The following XRCC5 variants were observed in gnomAD, a reference collection of about 807,000 sequenced individuals.
The protein encoded by XRCC5 is DNA repair protein Ku80.
XRCC5 carries 12 observed loss-of-function variants against 95.7 expected under a neutral mutation model. The observed-to-expected ratio is 0.13, with a 90% CI of 0.08 to 0.20. The LOEUF is 0.20. Ranked by LOEUF, XRCC5 falls within the 10% of genes least tolerant of loss-of-function variation. The probability of loss-of-function intolerance (pLI) is 1.00; values close to 1 mark genes in which losing one functional copy is unlikely to be tolerated. For missense variants in XRCC5, 595 were observed against 873.9 expected (o/e 0.68, Z 4.02); for synonymous variants, 281 against 290.3 (o/e 0.97, Z 0.33).
At chr2:216,147,306 G>A (rs1442270598) in intron 13 of XRCC5, among the ~76,000 whole-genome samples, 1 of 152,136 alleles carries the variant, frequency 6.6e-6, no homozygotes, top group Non-Finnish European at 1.5e-5. Flanking sequence ...CAGCCTATTG[G>A]GGTTGTGAGT....
chr2:216,195,371 TTTTCTTTTCTTTTCTTTTCTC>T (rs2106050346), intron 19 of XRCC5, among the ~76,000 whole-genome samples: 1 of 114,604 alleles, frequency 8.7e-6, no homozygotes, highest in African/African-American at 3.4e-5. Context: ...TTTTCTTTTC[TTTTCTTTTCTTTTCTTTTCTC>T]TTTCTTTTCT....
At chr2:216,168,796 C>G (rs1689098906) in intron 16 of XRCC5, among the ~76,000 whole-genome samples, 1 of 152,178 alleles carries the variant, frequency 6.6e-6, no homozygotes, top group African/African-American at 2.4e-5. Flanking sequence ...CAAGTGGACC[C>G]TAGATCGCAT....
intron 14 of XRCC5, among the ~76,000 whole-genome samples, chr2:216,149,119 CT>C (rs1409506936): frequency 6.6e-6 from 1 of 152,088 alleles, no homozygotes; most frequent in African/African-American, 2.4e-5. Context: ...CCACAACTAT[CT>C]TTATTGACAA....
intron 15 of XRCC5, among the ~76,000 whole-genome samples, chr2:216,160,926 T>C (rs1373884378): frequency 3.9e-5 from 6 of 152,060 alleles, no homozygotes; most frequent in Non-Finnish European, 7.4e-5. Context: ...ACTCCTGGGC[T>C]CAAGCAATCC....
chr2:216,162,932 C>T lies in XRCC5; in HGVS notation c.1834+884C>T, dbSNP rs1463267435. Among the ~76,000 whole-genome samples the T allele has an allele frequency of 2.0e-5, 3 of 152,184 alleles. No individual in the cohort carries two copies. In the East Asian group the frequency reaches 5.8e-4, roughly 29 times the overall value. On this transcript the variant is annotated intron_variant, in intron 16 of 20. Transcript: ENST00000392132. The stretch of plus-strand genomic sequence containing the variant: ...GAACTAACATTCATTCACTTGATTG[C>T]ATTCAGGTTTCTGTTCATTTACCCT...
At chr2:216,127,783 A>G in intron 8 of XRCC5, 109 bp downstream of exon 8, 5 of 1,257,032 alleles carry the variant, frequency 4.0e-6, no homozygotes, top group Non-Finnish European at 5.4e-6. Flanking sequence ...TCTTTGAGTT[A>G]TAGAAATATA....
intron 14 of XRCC5, 30 bp from the exon 15 acceptor site, chr2:216,160,038 T>C (rs1043287911): frequency 1.4e-6 from 2 of 1,417,408 alleles, no homozygotes; most frequent in African/African-American, 2.9e-5. Context: ...TATTGTTTGT[T>C]CTAAGAGAAA....
At chr2:216,205,099 A>C in intron 20 of XRCC5, 89 bp from the exon 21 acceptor site, 1 of 1,499,286 alleles carries the variant, frequency 6.7e-7, no homozygotes. Context: ...TCCAATGTAG[A>C]GTCATTTTCA....
intron 6 of XRCC5, 101 bp from the exon 7 acceptor site, chr2:216,125,816 T>C: frequency 1.1e-6 from 1 of 908,800 alleles, no homozygotes. Context: ...TCTTTATAAT[T>C]AACATTAGCT....
intron 19 of XRCC5, among the ~76,000 whole-genome samples, chr2:216,203,077 C>T (rs1190586757): frequency 6.6e-6 from 1 of 152,174 alleles, no homozygotes; most frequent in East Asian, 1.9e-4. Context: ...AGAATGGCAG[C>T]TCTTACCATT....
rs1488530227 is a variant in XRCC5, at chr2:216,125,990, A to G, written c.757A>G (p.Ile253Val). The change falls in exon 7 of 21, where the codon ATT (isoleucine) becomes GTT (valine). Residue 253 changes from isoleucine to valine, a missense_variant. Around this residue, in one of 2 missense-constraint regions of XRCC5, gnomAD observed 286 missense variants for 491.1 expected, o/e 0.58. Transcript: ENST00000392132. ...HSIHWPCRLTIGSNLSIRIAA... is the reference protein window; with the variant it reads ...HSIHWPCRLTVGSNLSIRIAA... ...CATTCACTGGCCCTGCCGACTGACC[A>G]TTGGCTCCAATTTGTCTATAAGGAT... 6.2e-6 allele frequency: 10 copies of G among 1,613,860 alleles called. No homozygotes were observed. The African/African-American group carries it at 8.0e-5, about 13-fold the overall frequency.
Position 216,111,333 on chromosome 2 carries a change from G to A in XRCC5, c.22-1683G>A. ...GCCAAGGAGTTTGAGACCAGCCTGGGCAACACAGTGAGACCCCAACTCTAC... is the reference window on the plus strand; with the variant it reads ...GCCAAGGAGTTTGAGACCAGCCTGGACAACACAGTGAGACCCCAACTCTAC... On this transcript the variant is annotated intron_variant, in intron 1 of 20. Coordinates refer to ENST00000392132, the MANE Select transcript of XRCC5 (RefSeq NM_021141.4). 5 of 434,872 alleles carry A rather than the reference G, an allele frequency of 1.1e-5. 1 individual carries two copies. The highest frequency in any genetic ancestry group is 8.3e-5 in the South Asian group (5 of 59,956). 26.9% of individuals were successfully genotyped at this position (434,872 alleles called of 1,614,324 possible). A position where few individuals can be genotyped will look rare whatever the true frequency, so the allele number is the denominator to read the frequency against.
At chr2:216,197,259 G>A (rs1270001301) in intron 19 of XRCC5, among the ~76,000 whole-genome samples, 1 of 152,112 alleles carries the variant, frequency 6.6e-6, no homozygotes, top group Admixed American at 6.6e-5. Context: ...AGAAATTTCA[G>A]TTAATGACCA....
intron 15 of XRCC5, among the ~76,000 whole-genome samples, 194 bp from the exon 16 acceptor site, chr2:216,161,785 C>T (rs1038746406): frequency 4.6e-5 from 7 of 152,200 alleles, no homozygotes; most frequent in African/African-American, 1.7e-4. Context: ...GCACAGAGGG[C>T]AGCTCTTGGA....
At chr2:216,175,258 A>C in intron 16 of XRCC5, 2 of 417,552 alleles carry the variant, frequency 4.8e-6, no homozygotes, top group Non-Finnish European at 9.2e-6. Context: ...TACACCCTCC[A>C]TAACCACCTC....
At chr2:216,134,290 T>G (rs2106010815) in intron 10 of XRCC5, among the ~76,000 whole-genome samples, 1 of 152,302 alleles carries the variant, frequency 6.6e-6, no homozygotes, top group South Asian at 2.1e-4. Context: ...TTTCATGTGC[T>G]GATTTGCACT....
chr2:216,119,273 C>T (rs1696758536), intron 5 of XRCC5, 108 bp downstream of exon 5: 2 of 1,221,714 alleles, frequency 1.6e-6, no homozygotes, highest in Non-Finnish European at 2.3e-6. Context: ...GCTTTCTGCT[C>T]CAAGGCTGAA....
intron 1 of XRCC5, among the ~76,000 whole-genome samples, chr2:216,109,740 C>T (rs1025719140): frequency 1.3e-5 from 2 of 150,920 alleles, no homozygotes; most frequent in African/African-American, 4.9e-5. Context: ...GTCTCACCTG[C>T]CTCCCCACCC....
intron 19 of XRCC5, among the ~76,000 whole-genome samples, chr2:216,199,050 A>G (rs1366549085): frequency 3.3e-5 from 5 of 152,196 alleles, no homozygotes; most frequent in African/African-American, 1.2e-4. Context: ...ATCACTTTTG[A>G]CCATGCACTG....
Sources: gnomAD v4.1 joint callset for allele counts (sites outside exome capture counted in the v4.1 genomes callset) on GRCh38, gnomAD v4.1.1 for gene constraint, gnomAD v4.1.1 regional missense constraint, MANE v1.5 for transcripts, NCBI Gene and HGNC (gene_info 2026-07-23, HGNC 2026-07-21) for gene names.